UBR2: variants seen among roughly 807,000 people sequenced by gnomAD.
UBR2 encodes ubiquitin protein ligase E3 component n-recognin 2.
In UBR2, 92 loss-of-function variants were observed where a neutral mutation model predicts 247.9. The ratio of observed to expected loss-of-function variants is 0.37; its 90% CI spans 0.31 to 0.44. The LOEUF (loss-of-function observed/expected upper bound fraction) is 0.44, where lower values mean the gene tolerates loss of function less well. UBR2 is among the 20% of genes least tolerant of loss of function. The pLI, the probability that UBR2 is intolerant of heterozygous loss-of-function variation, is 1.00. For synonymous variants in UBR2, 672 were observed against 693.5 expected, an observed-to-expected ratio of 0.97 and a Z score of 0.49; for missense variants, 1,613 against 2,112.6, an observed-to-expected ratio of 0.76 and a Z score of 4.64.
In UBR2 at chr6:42,663,514, T is replaced by C. The variant is rs540215473; in HGVS notation, c.3698+95T>C. 1,390 of 1,276,202 alleles carry C rather than the reference T, an allele frequency of 1.1e-3. 1 individual carries two copies. The highest frequency in any genetic ancestry group is 1.4e-3 in the Non-Finnish European group (1,346 of 946,548). 79.1% of individuals were successfully genotyped at this position (1,276,202 alleles called of 1,614,324 possible). On this transcript the variant is annotated intron_variant, in intron 32 of 46. Transcript: ENST00000372901. ...AGGAGGAAAACTTAGTCTAGGCAAT[T>C]GCATAGTGTTTTCCAGATACTTTCC...
At chr6:42,666,027 T>C in intron 33 of UBR2, 140 bp from the exon 34 acceptor site, 1 of 627,870 alleles carries the variant, frequency 1.6e-6, no homozygotes, top group Non-Finnish European at 2.7e-6. Context: ...AATAACGTTT[T>C]CATGCTTCAT....
At chr6:42,578,972 AACACACACACACACAC>A (rs35575176) in intron 2 of UBR2, among the ~76,000 whole-genome samples, 2 of 148,836 alleles carry the variant, frequency 1.3e-5, no homozygotes, top group African/African-American at 5.0e-5. Flanking sequence ...CACACACACA[AACACACACACACACAC>A]ACACACACAC....
chr6:42,647,417 T>TTA, intron 21 of UBR2, among the ~76,000 whole-genome samples: 1 of 102,174 alleles, frequency 9.8e-6, no homozygotes, highest in East Asian at 3.0e-4. Context: ...CCATCGCTAC[T>TTA]AAAAAAAAAA....
intron 5 of UBR2, among the ~76,000 whole-genome samples, 160 bp from the exon 6 acceptor site, chr6:42,605,560 CA>C (rs1490980625): frequency 2.6e-5 from 4 of 152,216 alleles, no homozygotes; most frequent in African/African-American, 7.2e-5. Flanking sequence ...TTTTCCCCAC[CA>C]GACTGTAGTA....
rs7763424 is a variant in UBR2 at position 42,596,192 on chromosome 6, A to G, written c.531+1888A>G. ...AGATAACCCAATTTAAAAATGGGCA[A>G]AAGACTTGAATAGACATTTTTACAG... On this transcript the variant is annotated intron_variant, in intron 4 of 46. Transcript: ENST00000372901. 4.8e-3 allele frequency among the ~76,000 whole-genome samples: 715 copies of G among 150,484 alleles called. 3 individuals carry two copies. The highest frequency in any genetic ancestry group is 0.017 in the African/African-American group (677 of 40,858).
chr6:42,622,304 C>T (rs1436986128), intron 11 of UBR2, among the ~76,000 whole-genome samples: 2 of 152,094 alleles, frequency 1.3e-5, no homozygotes, highest in Non-Finnish European at 2.9e-5. Context: ...CAGGCGTGAG[C>T]CACTGCGCCT....
chr6:42,648,189 A>T lies in UBR2; in HGVS notation c.2462+19A>T. On this transcript the variant is annotated intron_variant, in intron 22 of 46. Coordinates refer to ENST00000372901, the MANE Select transcript of UBR2 (RefSeq NM_001363705.2). ...ATTTCAAGTGAGTTTACTTCCTATT[A>T]TTTCACATTCTTTTTTACTTTTCCA... is the stretch of plus-strand genomic sequence containing the variant. 6.2e-7 allele frequency: 1 copy of T among 1,606,200 alleles called. No homozygotes were observed. The highest frequency in any genetic ancestry group is 8.5e-7 in the Non-Finnish European group (1 of 1,172,976).
chr6:42,642,248 G>A (rs1437856504), intron 17 of UBR2, among the ~76,000 whole-genome samples, 168 bp from the exon 18 acceptor site: 2 of 152,160 alleles, frequency 1.3e-5, no homozygotes, highest in Non-Finnish European at 2.9e-5. Context: ...CCACTGTAAT[G>A]TGAAAATCTG....
At chr6:42,585,995 T>C (rs1351425800) in intron 2 of UBR2, among the ~76,000 whole-genome samples, 1 of 152,184 alleles carries the variant, frequency 6.6e-6, no homozygotes, top group African/African-American at 2.4e-5. Context: ...TTTGAGGCTT[T>C]CTTAGATAAC....
chr6:42,677,649 T>C (rs60916032), intron 40 of UBR2, among the ~76,000 whole-genome samples: 3,163 of 152,146 alleles, frequency 0.021, 98 homozygotes, highest in African/African-American at 0.073. Flanking sequence ...CATGGTAGCA[T>C]GTGCCTGTGG....
At chr6:42,596,778 G>A (rs1178149867) in intron 4 of UBR2, among the ~76,000 whole-genome samples, 1 of 152,164 alleles carries the variant, frequency 6.6e-6, no homozygotes, top group Non-Finnish European at 1.5e-5. Flanking sequence ...TTCAGAATAG[G>A]TAAATCTGTA....
chr6:42,673,793 T>A lies in UBR2; in HGVS notation c.4089T>A (p.Asp1363Glu). 1 of 1,611,978 alleles carries A rather than the reference T, an allele frequency of 6.2e-7. No individual in the cohort carries two copies. Among genetic ancestry groups the A allele is most frequent in the Middle Eastern group, 1.7e-4 (1 of 6,056 alleles). The change falls in exon 37 of 47, where the codon GAT becomes GAA. Residue 1363 changes from aspartate (D) to glutamate (E), a missense_variant and splice_region_variant. Asp to Glu is a conservative substitution (Grantham distance 45, BLOSUM62 2). Coordinates refer to ENST00000372901, the MANE Select transcript of UBR2 (RefSeq NM_001363705.2). ...PLFGPLPCRL[D>E]DCLRSLTRFA... ...TTAATTGCGTTGGTTTATTTTAGGA[T>A]GACTGTCTTAGGTCATTGACGAGAT...
chr6:42,589,379 G>A (rs1040019479), intron 2 of UBR2, among the ~76,000 whole-genome samples: 1 of 152,190 alleles, frequency 6.6e-6, no homozygotes, highest in African/African-American at 2.4e-5. Flanking sequence ...ATTCTACTTG[G>A]TTATAGTGTA....
At chr6:42,635,627 G>T in intron 14 of UBR2, 81 bp downstream of exon 14, 2 of 1,499,326 alleles carry the variant, frequency 1.3e-6, no homozygotes, top group Non-Finnish European at 1.8e-6. Flanking sequence ...ATTTCAAGGA[G>T]ATCTGGAGAA....
chr6:42,617,547 T>C lies in UBR2; in HGVS notation c.1281+40T>C, dbSNP rs1053593335. ...ACTAGAAGAACTTTCTTGTTTTCCA[T>C]TAACAGAGGCCTTAAAATAATAGAG... On this transcript the variant is annotated intron_variant, in intron 11 of 46. Transcript: ENST00000372901. 3 of 1,519,342 alleles carry C rather than the reference T, an allele frequency of 2.0e-6. No homozygotes were observed. The African/African-American group carries it at 4.1e-5, about 21-fold the overall frequency. The allele number at this position is 1,519,342 out of a possible 1,614,324, so 94.1% of individuals were successfully genotyped here.
At position 42,612,151 on chromosome 6, in the gene UBR2, T is replaced by C; in HGVS notation, c.865-20T>C. The stretch of plus-strand genomic sequence containing the variant: ...ATAGCTTTTTAAGTTAATTTTTAAA[T>C]CTTGCCATTTCTTTTTAAGAGAAAT... On this transcript the variant is annotated intron_variant, in intron 7 of 46. Coordinates refer to ENST00000372901, the MANE Select transcript of UBR2 (RefSeq NM_001363705.2). 3.4e-6 allele frequency: 5 copies of C among 1,488,744 alleles called. No homozygotes were observed. The highest frequency in any genetic ancestry group is 4.5e-6 in the Non-Finnish European group (5 of 1,100,090). 92.2% of individuals were successfully genotyped at this position (1,488,744 alleles called of 1,614,324 possible). A position where few individuals can be genotyped will look rare whatever the true frequency, so the allele number is the denominator to read the frequency against.
At chr6:42,670,294 T>C (rs1798354744) in intron 35 of UBR2, 54 bp downstream of exon 35, 1 of 1,583,234 alleles carries the variant, frequency 6.3e-7, no homozygotes, top group Non-Finnish European at 8.6e-7. Context: ...TTGATATGAA[T>C]TAGGCATAGA....
chr6:42,572,374 A>C (rs1023044475), intron 1 of UBR2, among the ~76,000 whole-genome samples: 3 of 152,028 alleles, frequency 2.0e-5, no homozygotes, highest in African/African-American at 4.8e-5. Flanking sequence ...TTTTAGAAGG[A>C]GTGGTCTGAA....
intron 25 of UBR2, 59 bp from the exon 26 acceptor site, chr6:42,655,562 T>C: frequency 1.1e-6 from 1 of 948,010 alleles, no homozygotes; most frequent in Non-Finnish European, 1.6e-6. Flanking sequence ...CTATTTCTTA[T>C]TAAAATATGT....
Sources: allele counts gnomAD v4.1 joint callset (sites outside exome capture counted in the v4.1 genomes callset), GRCh38; gene constraint gnomAD v4.1.1; transcripts MANE v1.5; gene names NCBI Gene and HGNC (gene_info 2026-07-23, HGNC 2026-07-21).